Variants in DAB2IP observed in about 807,000 individuals in gnomAD.
DAB2IP encodes the protein disabled homolog 2-interacting protein.
Under a neutral mutation model 107.2 loss-of-function variants are expected in DAB2IP, and 28 were observed. The ratio of observed to expected loss-of-function variants is 0.26; its 90% CI spans 0.19 to 0.36. The LOEUF is 0.36. DAB2IP is among the 10% of genes least tolerant of loss of function. The pLI is 1.00. For missense variants in DAB2IP, 1,400 were observed against 1,644.7 expected (o/e 0.85, Z 2.57); for synonymous variants, 755 against 706.4 (o/e 1.07, Z -1.09).
intron 1 of DAB2IP, among the ~76,000 whole-genome samples, chr9:121,578,417 G>C (rs1444831209): frequency 6.6e-6 from 1 of 151,796 alleles, no homozygotes; most frequent in Non-Finnish European, 1.5e-5. Flanking sequence ...CAGCAGAATG[G>C]GGAACACAGA....
chr9:121,680,794 G>A (rs550223851), intron 2 of DAB2IP, among the ~76,000 whole-genome samples: 80 of 150,000 alleles, frequency 5.3e-4, no homozygotes, highest in Non-Finnish European at 9.9e-4. Context: ...CCAGGCTGGA[G>A]TGCAGTGGTG....
rs868442894 is a variant in DAB2IP, at chr9:121,747,362, C to T, written c.363-9651C>T. Among the ~76,000 whole-genome samples the T allele has an allele frequency of 9.3e-3, 1,208 of 130,252 alleles. 20 individuals are homozygous for T. Among genetic ancestry groups the T allele is most frequent in the African/African-American group, 0.032 (1,002 of 31,796 alleles). 85.5% of individuals were successfully genotyped at this position (130,252 alleles called of 152,430 possible). On this transcript the variant is annotated intron_variant, in intron 3 of 15. Coordinates refer to ENST00000408936, the Ensembl canonical transcript of DAB2IP. ...TAGATGCTTTTTTTTTTTTTTTTTC[C>T]CCTGAGACAGAGTCTCGCTCTGTCG...
At chr9:121,670,601 CTG>C (rs1833637931) in intron 1 of DAB2IP, among the ~76,000 whole-genome samples, 1 of 151,894 alleles carries the variant, frequency 6.6e-6, no homozygotes, top group Non-Finnish European at 1.5e-5. Context: ...GTGACCACCT[CTG>C]TCTGTGTCAA....
chr9:121,748,382 G>A (rs1832863443), intron 3 of DAB2IP, among the ~76,000 whole-genome samples: 1 of 152,188 alleles, frequency 6.6e-6, no homozygotes, highest in African/African-American at 2.4e-5. Flanking sequence ...CCCACAGAGG[G>A]TGACCAGGCC....
In DAB2IP at chr9:121,782,459, T is replaced by G; in HGVS notation, c.3531T>G (p.Ile1177Met). The change falls in exon 16 of 16, where the codon ATT (isoleucine) becomes ATG (methionine). Residue 1177 changes from isoleucine (I) to methionine (M), a missense_variant. Coordinates refer to ENST00000408936, the Ensembl canonical transcript of DAB2IP. This position sits in a 1 kb window ranked among gnomAD's most constrained non-coding sequence, Gnocchi z 6.1. ...CCACCAACCCCACCAAATTGCAGAT[T>G]ACTGAGAACGGCGAGTTCAGAAACA... The G allele has an allele frequency of 6.2e-7, 1 of 1,614,050 alleles. No homozygotes were observed. The highest frequency in any genetic ancestry group is 2.2e-5 in the East Asian group (1 of 44,872).
Position 121,760,506 on chromosome 9 carries a change from A to G in DAB2IP, c.1170+67A>G. On this transcript the variant is annotated intron_variant, in intron 6 of 15. Transcript: ENST00000408936. This position sits in a 1 kb window ranked among gnomAD's most constrained non-coding sequence, Gnocchi z 5.9. ...AGCACTGGGTTACCTGCCCTTCCTC[A>G]CATCCGTACATTTCAGGCCTAACAG... 1.4e-6 allele frequency: 2 copies of G among 1,474,948 alleles called. No individual in the cohort carries two copies. The highest frequency in any genetic ancestry group is 2.8e-5 in the South Asian group (2 of 72,222). The allele number at this position is 1,474,948 out of a possible 1,614,324, so 91.4% of individuals were successfully genotyped here. A position where few individuals can be genotyped will look rare whatever the true frequency, so the allele number is the denominator to read the frequency against.
At chr9:121,583,813 AGTTGGCGT>A (rs986484198) in intron 1 of DAB2IP, among the ~76,000 whole-genome samples, 45 of 152,316 alleles carry the variant, frequency 3.0e-4, no homozygotes, top group Admixed American at 2.9e-3. Flanking sequence ...GAAGCTCAGA[AGTTGGCGT>A]GTAGGAGACA....
rs943854626 is a variant in DAB2IP, at chr9:121,699,089, G to A, written c.229-236G>A. Among the ~76,000 whole-genome samples the A allele has an allele frequency of 1.4e-5, 2 of 147,680 alleles. No homozygotes were observed. The highest frequency in any genetic ancestry group is 4.9e-5 in the African/African-American group (2 of 40,928). On this transcript the variant is annotated intron_variant, in intron 2 of 15. Coordinates refer to ENST00000408936, the Ensembl canonical transcript of DAB2IP. The surrounding 1 kb of genome is among the most constrained non-coding windows in gnomAD (Gnocchi z 6.2). Reference sequence around the variant, plus strand: ...CGTCGCCAAGGCAACAGCGGCTTAGGGGGCGGGGGCGACGTGGCGGGCGGG... The same window carrying A: ...CGTCGCCAAGGCAACAGCGGCTTAGAGGGCGGGGGCGACGTGGCGGGCGGG...
In DAB2IP at chr9:121,772,333, T is replaced by C. The variant is rs1375476346; in HGVS notation, c.2079-274T>C. Among the ~76,000 whole-genome samples, 1 of 152,174 alleles carries C rather than the reference T, an allele frequency of 6.6e-6. No homozygotes were observed. The highest frequency in any genetic ancestry group is 1.5e-5 in the Non-Finnish European group (1 of 68,024). On this transcript the variant is annotated intron_variant, in intron 11 of 15. Transcript: ENST00000408936. This position sits in a 1 kb window ranked among gnomAD's most constrained non-coding sequence, Gnocchi z 4.7. ...GGCCCCAGTACCCATTGTCCCAAGA[T>C]GCAGCTGAACAGGGAAGGGGTCTTC...
In DAB2IP at chr9:121,699,444, C is replaced by T. The variant is rs752298151; in HGVS notation, c.348C>T (p.Ala116=). The change falls in exon 3 of 16, where the codon GCC becomes GCT. Residue 116 remains alanine (A), a synonymous_variant. Transcript: ENST00000408936. This position sits in a 1 kb window ranked among gnomAD's most constrained non-coding sequence, Gnocchi z 6.2. ...GGTTCCGGAGCGCCGCCGCCGCCGC[C>T]GCGGACAATGAGAGGTGAGCCCGCC... is the stretch of plus-strand genomic sequence containing the variant. The T allele has an allele frequency of 2.1e-6, 3 of 1,435,558 alleles. No homozygotes were observed. The Admixed American group carries it at 6.7e-5, about 32-fold the overall frequency. The allele number at this position is 1,435,558 out of a possible 1,614,324, so 88.9% of individuals were successfully genotyped here.
At chr9:121,652,575 G>A (rs1369505727) in intron 1 of DAB2IP, among the ~76,000 whole-genome samples, 5 of 152,166 alleles carry the variant, frequency 3.3e-5, no homozygotes, top group Non-Finnish European at 7.3e-5. Flanking sequence ...AAGCCCCTGG[G>A]AGGAGGAGGC....
Position 121,684,508 on chromosome 9 carries a change from C to T in DAB2IP, c.228+5727C>T, listed in dbSNP as rs553995657. 6.6e-6 allele frequency among the ~76,000 whole-genome samples: 1 copy of T among 152,328 alleles called. No individual in the cohort carries two copies. The highest frequency in any genetic ancestry group is 6.5e-5 in the Admixed American group (1 of 15,300). ...TTCTTTGGTCCAACTGCCCTCGGAG[C>T]CCCACGACAGCTCCTTCCCGCTCAT... On this transcript the variant is annotated intron_variant, in intron 2 of 15. Transcript: ENST00000408936. The surrounding 1 kb of genome is among the most constrained non-coding windows in gnomAD (Gnocchi z 4.0).
intron 1 of DAB2IP, among the ~76,000 whole-genome samples, chr9:121,640,730 G>T (rs544113237): frequency 2.0e-5 from 3 of 152,308 alleles, no homozygotes; most frequent in South Asian, 2.1e-4. Flanking sequence ...TTCCTCTGCT[G>T]CTGGGAACCT....
At chr9:121,703,025 G>A (rs1178883930) in intron 3 of DAB2IP, among the ~76,000 whole-genome samples, 2 of 152,186 alleles carry the variant, frequency 1.3e-5, no homozygotes, top group Non-Finnish European at 2.9e-5. Flanking sequence ...TGTGGAGTTA[G>A]GGATCGATTC....
intron 1 of DAB2IP, among the ~76,000 whole-genome samples, chr9:121,591,034 G>A: frequency 6.6e-6 from 1 of 152,188 alleles, no homozygotes. Flanking sequence ...AAGTTAACTG[G>A]GCCAAGGAAT....
intron 3 of DAB2IP, among the ~76,000 whole-genome samples, chr9:121,743,876 C>A (rs918719891): frequency 7.3e-6 from 1 of 137,880 alleles, no homozygotes; most frequent in Admixed American, 6.8e-5. Context: ...GAGCACCCTG[C>A]CCCTCTACGC....
chr9:121,690,610 G>GT (rs1829114852), intron 2 of DAB2IP, among the ~76,000 whole-genome samples: 1 of 152,182 alleles, frequency 6.6e-6, no homozygotes, highest in Non-Finnish European at 1.5e-5. Context: ...TTGGGAATGC[G>GT]TAACTGGTTT....
intron 1 of DAB2IP, among the ~76,000 whole-genome samples, chr9:121,611,429 A>G (rs147107494): frequency 4.5e-4 from 68 of 152,282 alleles, no homozygotes; most frequent in African/African-American, 1.5e-3. Flanking sequence ...TGTGTGGTCT[A>G]AGGTCCATCA....
chr9:121,744,197 C>T (rs1222434126), intron 3 of DAB2IP, among the ~76,000 whole-genome samples: 1 of 152,174 alleles, frequency 6.6e-6, no homozygotes, highest in Non-Finnish European at 1.5e-5. Flanking sequence ...AGCTCCTCAG[C>T]AGAACTTTGT....
Sources: allele counts gnomAD v4.1 joint callset (sites outside exome capture counted in the v4.1 genomes callset), GRCh38; gene constraint gnomAD v4.1.1; non-coding constraint Gnocchi (gnomAD v3.1); transcripts MANE v1.5; gene names NCBI Gene and HGNC (gene_info 2026-07-23, HGNC 2026-07-21).